Variants in RPH3A observed in about 807,000 individuals in gnomAD.
The protein encoded by RPH3A is rabphilin-3A.
Under a neutral mutation model 102.2 loss-of-function variants are expected in RPH3A, and 48 were observed. That is an observed-to-expected ratio of 0.47 (90% CI 0.37 to 0.60). RPH3A has a LOEUF of 0.60. RPH3A is among the 20% of genes least tolerant of loss of function. RPH3A has a pLI of 0.00. For synonymous variants in RPH3A, 310 were observed against 324.3 expected (o/e 0.96, Z 0.47); for missense variants, 781 against 910.1 (o/e 0.86, Z 1.83).
chr12:112,862,659 G>A (rs1183601472), intron 5 of RPH3A, among the ~76,000 whole-genome samples: 6 of 152,128 alleles, frequency 3.9e-5, no homozygotes, highest in African/African-American at 1.4e-4. Flanking sequence ...TCTGTGCATG[G>A]TGCCTCCTCA....
chr12:112,676,281 C>A (rs979111503), intron 1 of RPH3A, among the ~76,000 whole-genome samples: 1 of 151,962 alleles, frequency 6.6e-6, no homozygotes, highest in Non-Finnish European at 1.5e-5. Context: ...GGATGCATAC[C>A]ATGCATCAGA....
At chr12:112,587,740 G>C (rs913736012) in intron 1 of RPH3A, among the ~76,000 whole-genome samples, 1 of 152,214 alleles carries the variant, frequency 6.6e-6, no homozygotes, top group Middle Eastern at 3.4e-3. Flanking sequence ...ACTTTGTCTT[G>C]GTCATTGCTG....
intron 1 of RPH3A, among the ~76,000 whole-genome samples, chr12:112,654,859 C>T (rs535517266): frequency 5.9e-5 from 9 of 152,158 alleles, no homozygotes; most frequent in Non-Finnish European, 1.3e-4. Flanking sequence ...GGATGAAGAT[C>T]ACCAATAAAA....
At chr12:112,720,561 TA>T in intron 1 of RPH3A, among the ~76,000 whole-genome samples, 1 of 152,332 alleles carries the variant, frequency 6.6e-6, no homozygotes, top group Non-Finnish European at 1.5e-5. Flanking sequence ...AAACCACCTC[TA>T]AATCTCAGTG....
chr12:112,687,086 C>T (rs1943855073), intron 1 of RPH3A, among the ~76,000 whole-genome samples: 1 of 152,180 alleles, frequency 6.6e-6, no homozygotes. Flanking sequence ...CTGCACCACT[C>T]CAGCCTGAGT....
intron 1 of RPH3A, among the ~76,000 whole-genome samples, chr12:112,720,776 A>G (rs1174040482): frequency 6.6e-6 from 1 of 152,234 alleles, no homozygotes; most frequent in Non-Finnish European, 1.5e-5. Context: ...TGCAGGTATC[A>G]TATTGAGCAA....
intron 2 of RPH3A, among the ~76,000 whole-genome samples, chr12:112,814,123 ATG>A (rs1472270712): frequency 6.6e-6 from 1 of 150,628 alleles, no homozygotes; most frequent in Non-Finnish European, 1.5e-5. Flanking sequence ...GTGGGTGGGG[ATG>A]TGAGTGTGTG....
intron 1 of RPH3A, among the ~76,000 whole-genome samples, chr12:112,745,075 T>C (rs2040735102): frequency 6.6e-6 from 1 of 152,236 alleles, no homozygotes; most frequent in African/African-American, 2.4e-5. Context: ...CTTCTTAACA[T>C]TTCCTCTGGA....
chr12:112,620,991 C>A (rs2039717915), intron 1 of RPH3A, among the ~76,000 whole-genome samples: 1 of 151,974 alleles, frequency 6.6e-6, no homozygotes, highest in South Asian at 2.1e-4. Flanking sequence ...CACATATCTT[C>A]CTATTTTTTA....
chr12:112,637,258 T>C (rs1390884568), intron 1 of RPH3A, among the ~76,000 whole-genome samples: 2 of 152,210 alleles, frequency 1.3e-5, no homozygotes, highest in Non-Finnish European at 1.5e-5. Flanking sequence ...CCAATGTGCT[T>C]CTCATTTAAA....
At chr12:112,641,431 A>C (rs1456564356) in intron 1 of RPH3A, among the ~76,000 whole-genome samples, 1 of 152,128 alleles carries the variant, frequency 6.6e-6, no homozygotes, top group Non-Finnish European at 1.5e-5. Flanking sequence ...ATCTGTCACC[A>C]GCTCTGTCAG....
chr12:112,783,045 G>A (rs1437513466), intron 1 of RPH3A, among the ~76,000 whole-genome samples: 1 of 152,144 alleles, frequency 6.6e-6, no homozygotes. Flanking sequence ...TCATCTGCTT[G>A]CTAATCTGCT....
intron 19 of RPH3A, chr12:112,893,282 T>C (rs1351113099): frequency 2.0e-5 from 3 of 152,240 alleles, no homozygotes; most frequent in Non-Finnish European, 4.4e-5. Flanking sequence ...CTTTGGTAAC[T>C]TCTAATTCCT....
chr12:112,598,479 A>T (rs1365835333), intron 1 of RPH3A, among the ~76,000 whole-genome samples: 1 of 152,216 alleles, frequency 6.6e-6, no homozygotes, highest in Non-Finnish European at 1.5e-5. Context: ...TCAATAAATC[A>T]GCCATCTGAT....
intron 1 of RPH3A, among the ~76,000 whole-genome samples, chr12:112,584,462 C>A (rs184773816): frequency 4.6e-4 from 70 of 152,272 alleles, no homozygotes; most frequent in Admixed American, 1.8e-3. Flanking sequence ...GAGAAAGAAT[C>A]TGATTGGTCC....
At chr12:112,620,096 C>T (rs1482504018) in intron 1 of RPH3A, among the ~76,000 whole-genome samples, 1 of 152,142 alleles carries the variant, frequency 6.6e-6, no homozygotes, top group African/African-American at 2.4e-5. Context: ...ATAAGCTGCC[C>T]CTGTGATGGT....
intron 1 of RPH3A, among the ~76,000 whole-genome samples, chr12:112,596,556 C>T (rs1464037377): frequency 6.6e-6 from 1 of 152,176 alleles, no homozygotes; most frequent in Non-Finnish European, 1.5e-5. Context: ...GGCTCCACTT[C>T]AGGACTTAGT....
chr12:112,733,600 T>C (rs1317557942), intron 1 of RPH3A, among the ~76,000 whole-genome samples: 1 of 152,174 alleles, frequency 6.6e-6, no homozygotes, highest in Non-Finnish European at 1.5e-5. Flanking sequence ...ACCCCTGCCA[T>C]GCCCAGTCAT....
intron 1 of RPH3A, among the ~76,000 whole-genome samples, chr12:112,667,662 AAGAGAGAGAGAGAGAG>A (rs71086114): frequency 0.063 from 4,577 of 72,824 alleles, 242 homozygotes; most frequent in African/African-American, 0.12. Context: ...GAGATGAATA[AAGAGAGAGAGAGAGAG>A]AGAGAGAGAG....
Sources: gnomAD v4.1 joint callset for allele counts (sites outside exome capture counted in the v4.1 genomes callset) on GRCh38, gnomAD v4.1.1 for gene constraint, MANE v1.5 for transcripts, NCBI Gene and HGNC (gene_info 2026-07-23, HGNC 2026-07-21) for gene names.